The following PLB1 variants were observed in gnomAD, a reference collection of about 807,000 sequenced individuals.
PLB1 encodes the protein phospholipase B1, membrane-associated.
In PLB1, 242 loss-of-function variants were observed where a neutral mutation model predicts 227.4. The observed-to-expected ratio is 1.06, with a 90% CI of 0.96 to 1.18. The LOEUF (loss-of-function observed/expected upper bound fraction) is 1.18, where lower values mean the gene tolerates loss of function less well. PLB1 is among the 50% of genes most tolerant of loss of function. The pLI is 0.00. For missense variants in PLB1, 1,858 were observed against 1,816.3 expected, an observed-to-expected ratio of 1.02 and a Z score of -0.42; for synonymous variants, 757 against 682.2, an observed-to-expected ratio of 1.11 and a Z score of -1.71.
At chr2:28,549,910 G>A (rs965802573) in intron 15 of PLB1, 100 bp from the exon 16 acceptor site, 2 of 942,694 alleles carry the variant, frequency 2.1e-6, no homozygotes, top group African/African-American at 3.3e-5. Context: ...TGATGTGAAT[G>A]TTCCTAGTTG....
chr2:28,552,903 T>C (rs1376346112), intron 16 of PLB1, 25 bp from the exon 17 acceptor site: 20 of 1,609,350 alleles, frequency 1.2e-5, no homozygotes, highest in East Asian at 8.9e-5. Flanking sequence ...CCATTTTCCT[T>C]ATTTCCCTGT....
chr2:28,542,798 T>G (rs1409690913), intron 13 of PLB1, among the ~76,000 whole-genome samples: 2 of 152,244 alleles, frequency 1.3e-5, no homozygotes, highest in Admixed American at 1.3e-4. Flanking sequence ...TCCAGGCTCC[T>G]GCCTGTTGGA....
rs750528060 is a variant in PLB1, at chr2:28,519,754, T to C, written c.234T>C (p.Asn78=). ...TTAAATTTGTGGCAGCCATTGGCAA[T>C]CTGGAAATTGTGAGTATTTGAAGTA... ...SDIKFVAAIG[N]LEIPPDPGTG... Residue 78 remains asparagine, a synonymous_variant, in exon 4 of 58, where the codon AAT becomes AAC. Transcript: ENST00000327757. 3.7e-6 allele frequency: 6 copies of C among 1,611,478 alleles called. No homozygotes were observed. The highest frequency in any genetic ancestry group is 1.7e-5 in the Admixed American group (1 of 59,994).
intron 4 of PLB1, among the ~76,000 whole-genome samples, chr2:28,522,583 C>G (rs1335510195): frequency 6.6e-6 from 1 of 152,186 alleles, no homozygotes; most frequent in African/African-American, 2.4e-5. Context: ...GTCCTTCTGC[C>G]TGGGGCAGGG....
At chr2:28,578,058 C>T in intron 21 of PLB1, 49 bp from the exon 22 acceptor site, 1 of 1,580,138 alleles carries the variant, frequency 6.3e-7, no homozygotes. Flanking sequence ...GCTAAGGGCC[C>T]CTGCCAGTCC....
chr2:28,642,743 G>T, intron 57 of PLB1, 115 bp from the exon 58 acceptor site: 1 of 930,082 alleles, frequency 1.1e-6, no homozygotes. Flanking sequence ...GGGAAGCTCT[G>T]TGAAAACGTG....
intron 12 of PLB1, among the ~76,000 whole-genome samples, chr2:28,541,255 C>G (rs556175218): frequency 1.2e-3 from 190 of 152,282 alleles, no homozygotes; most frequent in African/African-American, 4.4e-3. Flanking sequence ...GCAAACAGCT[C>G]AAAGCACGGT....
At chr2:28,538,464 A>G (rs1672010624) in intron 10 of PLB1, 83 bp downstream of exon 10, 2 of 1,320,430 alleles carry the variant, frequency 1.5e-6, no homozygotes, top group African/African-American at 2.9e-5. Flanking sequence ...GGGGAAATGG[A>G]CCCCTGTGAG....
At chr2:28,513,163 A>G (rs911623714) in intron 1 of PLB1, among the ~76,000 whole-genome samples, 1 of 152,160 alleles carries the variant, frequency 6.6e-6, no homozygotes, top group East Asian at 1.9e-4. Context: ...GTCTCCTGGT[A>G]ATTTTTTAAT....
rs926345747 is a variant in PLB1 at position 28,615,447 on chromosome 2, T to C, written c.3195+1351T>C. ...ATGGGTTGGCCATCAGCAGGAGTGA[T>C]TGGGGAAAGACATTTTATAAGCCAG... On this transcript the variant is annotated intron_variant, in intron 44 of 57. Coordinates refer to ENST00000327757, the MANE Select transcript of PLB1 (RefSeq NM_153021.5). Among the ~76,000 whole-genome samples the C allele has an allele frequency of 2.0e-5, 3 of 152,192 alleles. No individual in the cohort carries two copies. In the South Asian group the frequency reaches 6.2e-4, roughly 32 times the overall value.
At chr2:28,626,027 G>A (rs1687723479) in intron 50 of PLB1, among the ~76,000 whole-genome samples, 1 of 147,132 alleles carries the variant, frequency 6.8e-6, no homozygotes. Flanking sequence ...ACGGAGTCTC[G>A]CTCTGTCACC....
At chr2:28,550,939 G>A (rs1209437679) in intron 16 of PLB1, among the ~76,000 whole-genome samples, 2 of 152,164 alleles carry the variant, frequency 1.3e-5, no homozygotes, top group Non-Finnish European at 2.9e-5. Flanking sequence ...GCTGGGGGAG[G>A]GAGAAGGATC....
intron 16 of PLB1, among the ~76,000 whole-genome samples, chr2:28,551,404 G>T (rs1046464601): frequency 1.7e-4 from 26 of 152,236 alleles, no homozygotes; most frequent in East Asian, 3.8e-4. Flanking sequence ...GAGAAGGGGG[G>T]ACTGAGGTGA....
Position 28,598,066 on chromosome 2 carries a change from G to A in PLB1, c.2365+18G>A. ...CTTACCTAGTAAGTAACCATCAGGG[G>A]CTTGAATCTGTCTACTGTTCCACCC... On this transcript the variant is annotated intron_variant, in intron 34 of 57. Coordinates refer to ENST00000327757, the MANE Select transcript of PLB1 (RefSeq NM_153021.5). 1 of 1,606,250 alleles carries A rather than the reference G, an allele frequency of 6.2e-7. No homozygotes were observed. Among genetic ancestry groups the A allele is most frequent in the Non-Finnish European group, 8.5e-7 (1 of 1,174,544 alleles).
At chr2:28,540,290 G>A (rs1378384498) in intron 11 of PLB1, 76 bp from the exon 12 acceptor site, 1 of 1,221,372 alleles carries the variant, frequency 8.2e-7, no homozygotes, top group Non-Finnish European at 1.2e-6. Context: ...TCTTCCATAA[G>A]AGGCGGGCTG....
chr2:28,539,134 TGAGGTTGCAGAGGTCTCTC>T lies in PLB1; in HGVS notation c.656_674del (p.Glu219ValfsTer28). ...CATTTGTAAACCTGGTGGACCTCTC[TGAGGTTGCAGAGGTCTCTC>T]GTCAGTATCACGGCACTTGGCTCAG... On this transcript the variant is annotated frameshift_variant, in exon 11 of 58. Transcript: ENST00000327757. LOFTEE classifies it high-confidence loss of function. The T allele has an allele frequency of 6.2e-7, 1 of 1,614,022 alleles. No homozygotes were observed.
At chr2:28,608,939 G>A (rs561264664) in intron 43 of PLB1, among the ~76,000 whole-genome samples, 2 of 152,006 alleles carry the variant, frequency 1.3e-5, no homozygotes, top group Non-Finnish European at 2.9e-5. Context: ...TTTTGAAACA[G>A]GGTCTTGCTC....
intron 1 of PLB1, among the ~76,000 whole-genome samples, chr2:28,516,110 TAAAA>T (rs1188137061): frequency 6.6e-6 from 1 of 152,226 alleles, no homozygotes; most frequent in Non-Finnish European, 1.5e-5. Context: ...TTTGTGTAGA[TAAAA>T]AACATGGGAA....
At chr2:28,589,610 T>G (rs932579411) in intron 27 of PLB1, 56 bp downstream of exon 27, 2 of 1,607,618 alleles carry the variant, frequency 1.2e-6, no homozygotes, top group Non-Finnish European at 1.7e-6. Flanking sequence ...TGTGGCTGTT[T>G]CTGAGTGTCA....
Sources: allele counts gnomAD v4.1 joint callset (sites outside exome capture counted in the v4.1 genomes callset), GRCh38; gene constraint gnomAD v4.1.1; transcripts MANE v1.5; gene names NCBI Gene and HGNC (gene_info 2026-07-23, HGNC 2026-07-21).